The following UNC5C variants were observed in gnomAD, a reference collection of about 807,000 sequenced individuals.
The protein encoded by UNC5C is netrin receptor UNC5C.
In UNC5C, 47 loss-of-function variants were observed where a neutral mutation model predicts 99.8. The observed-to-expected ratio is 0.47, with a 90% CI of 0.37 to 0.60. The LOEUF is 0.60. UNC5C is among the 20% of genes least tolerant of loss of function. UNC5C has a pLI of 0.00. For missense variants in UNC5C, 1,062 were observed against 1,165.9 expected, an observed-to-expected ratio of 0.91 and a Z score of 1.30; for synonymous variants, 487 against 452.2, an observed-to-expected ratio of 1.08 and a Z score of -0.98.
intron 14 of UNC5C, among the ~76,000 whole-genome samples, chr4:95,172,914 C>G (rs1422005671): frequency 1.3e-5 from 2 of 151,952 alleles, no homozygotes; most frequent in African/African-American, 2.4e-5. Flanking sequence ...CTTTTATTTC[C>G]TTGAGCAGTG....
rs528619014 is a variant in UNC5C, at chr4:95,272,569, G to A, written c.594+5690C>T. Among the ~76,000 whole-genome samples the A allele has an allele frequency of 2.0e-4, 30 of 152,264 alleles. 1 individual carries two copies. The South Asian group carries it at 5.8e-3, about 30-fold the overall frequency. On this transcript the variant is annotated intron_variant, in intron 4 of 15. Coordinates refer to ENST00000453304, the MANE Select transcript of UNC5C (RefSeq NM_003728.4). ...ATACTTTTTCACCCCAAAAAGTATGGGATGATCATAATAAGGAGGTGACTT... is the reference window on the plus strand; with the variant it reads ...ATACTTTTTCACCCCAAAAAGTATGAGATGATCATAATAAGGAGGTGACTT...
intron 1 of UNC5C, among the ~76,000 whole-genome samples, chr4:95,545,372 C>T (rs1212576942): frequency 6.6e-6 from 1 of 152,164 alleles, no homozygotes; most frequent in Non-Finnish European, 1.5e-5. Context: ...GCCTACTTTT[C>T]CTTATTGCAT....
intron 1 of UNC5C, among the ~76,000 whole-genome samples, chr4:95,517,982 C>T (rs1722258340): frequency 6.6e-6 from 1 of 152,088 alleles, no homozygotes; most frequent in African/African-American, 2.4e-5. Flanking sequence ...GTTAAAACAT[C>T]TGGGAGACGT....
At chr4:95,189,710 C>T (rs189101197) in intron 12 of UNC5C, among the ~76,000 whole-genome samples, 152 of 152,294 alleles carry the variant, frequency 1.0e-3, no homozygotes, top group African/African-American at 3.4e-3. Flanking sequence ...CAAAAGAAGA[C>T]ATTTATGCAG....
At chr4:95,416,189 G>T (rs898904544) in intron 1 of UNC5C, among the ~76,000 whole-genome samples, 5 of 152,128 alleles carry the variant, frequency 3.3e-5, no homozygotes, top group Admixed American at 2.0e-4. Context: ...TGGGCTGGCT[G>T]GTCAGCAGAG....
chr4:95,170,347 C>G lies in UNC5C; in HGVS notation c.2452-15G>C, dbSNP rs1407716090. On this transcript the variant is annotated splice_polypyrimidine_tract_variant and intron_variant, in intron 14 of 15. Transcript: ENST00000453304. ...CCAGTAGGTTCCTGTAGTTCAGGGA[C>G]AGGAACAACACAGCATTATTTCTGA... The G allele has an allele frequency of 1.2e-6, 2 of 1,612,596 alleles. No homozygotes were observed. The highest frequency in any genetic ancestry group is 2.7e-5 in the African/African-American group (2 of 74,916).
At chr4:95,482,311 A>G (rs2149478321) in intron 1 of UNC5C, among the ~76,000 whole-genome samples, 1 of 152,170 alleles carries the variant, frequency 6.6e-6, no homozygotes, top group South Asian at 2.1e-4. Context: ...ACAATGAGAT[A>G]CCATCTCACA....
At chr4:95,422,867 A>G (rs906468363) in intron 1 of UNC5C, among the ~76,000 whole-genome samples, 3 of 152,208 alleles carry the variant, frequency 2.0e-5, no homozygotes, top group Non-Finnish European at 2.9e-5. Flanking sequence ...CCAGATGCAG[A>G]AAAAAACCAA....
chr4:95,288,027 T>C (rs1486867338), intron 3 of UNC5C, among the ~76,000 whole-genome samples: 2 of 151,860 alleles, frequency 1.3e-5, no homozygotes, highest in Non-Finnish European at 2.9e-5. Flanking sequence ...ATAAAATGTC[T>C]TACAAGTCAC....
At chr4:95,220,260 C>G in intron 7 of UNC5C, 84 bp from the exon 8 acceptor site, 1 of 1,217,246 alleles carries the variant, frequency 8.2e-7, no homozygotes, top group Non-Finnish European at 1.1e-6. Flanking sequence ...TTTTTTCAGA[C>G]ATTTACTGCC....
intron 1 of UNC5C, among the ~76,000 whole-genome samples, chr4:95,367,500 A>G (rs1337171477): frequency 6.6e-6 from 1 of 151,800 alleles, no homozygotes; most frequent in Non-Finnish European, 1.5e-5. Flanking sequence ...TCTTAACACT[A>G]TGCTTTGTTG....
chr4:95,278,166 T>C, intron 4 of UNC5C, 93 bp downstream of exon 4: 5 of 1,031,800 alleles, frequency 4.8e-6, no homozygotes, highest in Non-Finnish European at 7.5e-6. Flanking sequence ...CATCATGCCA[T>C]ACCCTAATTC....
At chr4:95,516,528 T>C (rs1722225403) in intron 1 of UNC5C, among the ~76,000 whole-genome samples, 1 of 152,162 alleles carries the variant, frequency 6.6e-6, no homozygotes, top group African/African-American at 2.4e-5. Flanking sequence ...TCGGAGACAT[T>C]TGATTGGTGT....
chr4:95,354,999 T>C (rs1339872980), intron 1 of UNC5C, among the ~76,000 whole-genome samples: 1 of 152,200 alleles, frequency 6.6e-6, no homozygotes, highest in East Asian at 1.9e-4. Context: ...GTTGAATTTG[T>C]ATTTTTTGAA....
At chr4:95,262,304 C>T (rs865895444) in intron 4 of UNC5C, among the ~76,000 whole-genome samples, 2 of 152,192 alleles carry the variant, frequency 1.3e-5, no homozygotes, top group Middle Eastern at 3.4e-3. Context: ...GATGACAGAT[C>T]GCTATGTAAT....
intron 15 of UNC5C, 85 bp from the exon 16 acceptor site, chr4:95,169,484 T>A (rs987299851): frequency 6.8e-7 from 1 of 1,468,636 alleles, no homozygotes; most frequent in African/African-American, 1.4e-5. Flanking sequence ...TCTCTCTACT[T>A]GTCTTTAAGT....
At chr4:95,503,045 G>A (rs1721817799) in intron 1 of UNC5C, among the ~76,000 whole-genome samples, 1 of 152,030 alleles carries the variant, frequency 6.6e-6, no homozygotes, top group Admixed American at 6.6e-5. Context: ...TGGTTCATAT[G>A]TGCTATGGCT....
At chr4:95,440,114 T>C (rs945387859) in intron 1 of UNC5C, among the ~76,000 whole-genome samples, 11 of 152,192 alleles carry the variant, frequency 7.2e-5, no homozygotes, top group African/African-American at 2.2e-4. Context: ...GCAGCGACCC[T>C]CAGATACCTT....
intron 1 of UNC5C, among the ~76,000 whole-genome samples, chr4:95,364,600 G>A (rs1579360085): frequency 6.6e-6 from 1 of 152,296 alleles, no homozygotes; most frequent in South Asian, 2.1e-4. Flanking sequence ...GGGGAGCTCA[G>A]TGACCCAGAG....
Sources: allele counts gnomAD v4.1 joint callset (sites outside exome capture counted in the v4.1 genomes callset), GRCh38; gene constraint gnomAD v4.1.1; transcripts MANE v1.5; gene names NCBI Gene and HGNC (gene_info 2026-07-23, HGNC 2026-07-21).